The following KIZ variants were observed in gnomAD, a reference collection of about 807,000 sequenced individuals.
KIZ encodes kizuna centrosomal protein.
A neutral mutation model predicts 79.6 loss-of-function variants in KIZ; 68 were observed. That is an observed-to-expected ratio of 0.85 (90% CI 0.70 to 1.05). The LOEUF is 1.05. KIZ is among the 50% of genes least tolerant of loss of function. The pLI is 0.00. For synonymous variants in KIZ, 280 were observed against 281.8 expected (o/e 0.99, Z 0.06); for missense variants, 797 against 800.4 (o/e 1.00, Z 0.05).
At chr20:21,130,659 A>G (rs1264944202) in intron 1 of KIZ, among the ~76,000 whole-genome samples, 1 of 151,664 alleles carries the variant, frequency 6.6e-6, no homozygotes, top group Non-Finnish European at 1.5e-5. Context: ...TAACATAGGC[A>G]TACTGCAACC....
chr20:21,207,549 TCTC>T (rs1353562798), intron 7 of KIZ, among the ~76,000 whole-genome samples: 1 of 144,132 alleles, frequency 6.9e-6, no homozygotes, highest in Non-Finnish European at 1.5e-5. Flanking sequence ...TTTTCCCTCT[TCTC>T]CTCAAACTTC....
At chr20:21,145,995 C>G (rs1262207186) in intron 4 of KIZ, among the ~76,000 whole-genome samples, 1 of 152,046 alleles carries the variant, frequency 6.6e-6, no homozygotes, top group Non-Finnish European at 1.5e-5. Context: ...CATTTTGATT[C>G]TTTTATTTGT....
At chr20:21,224,371 A>C (rs2036596583) in intron 9 of KIZ, among the ~76,000 whole-genome samples, 1 of 152,242 alleles carries the variant, frequency 6.6e-6, no homozygotes, top group African/African-American at 2.4e-5. Context: ...AATATATCTC[A>C]CAATTTTTAT....
chr20:21,181,841 G>T (rs937509011), intron 6 of KIZ, among the ~76,000 whole-genome samples: 1 of 152,206 alleles, frequency 6.6e-6, no homozygotes, highest in African/African-American at 2.4e-5. Context: ...GCTGTTGGTT[G>T]CCAATAACAG....
intron 6 of KIZ, among the ~76,000 whole-genome samples, chr20:21,189,831 G>A (rs958372797): frequency 2.6e-5 from 4 of 152,124 alleles, no homozygotes; most frequent in South Asian, 2.1e-4. Flanking sequence ...TGCCGTGGTC[G>A]CCTCGCTGTG....
intron 6 of KIZ, among the ~76,000 whole-genome samples, chr20:21,168,446 T>G (rs1264580287): frequency 1.3e-5 from 2 of 152,164 alleles, no homozygotes; most frequent in Admixed American, 1.3e-4. Flanking sequence ...TACAAACAAA[T>G]GGAAGAACAT....
chr20:21,135,843 A>G (rs1214836574), intron 2 of KIZ, among the ~76,000 whole-genome samples: 2 of 152,208 alleles, frequency 1.3e-5, no homozygotes, highest in East Asian at 3.8e-4. Context: ...ATTATAGTCC[A>G]TATATTATAA....
chr20:21,227,502 T>A (rs996873205), intron 9 of KIZ, among the ~76,000 whole-genome samples: 4 of 152,202 alleles, frequency 2.6e-5, no homozygotes, highest in African/African-American at 9.7e-5. Flanking sequence ...TCTTGAGAGC[T>A]GAAAAACTTT....
At chr20:21,200,741 A>G (rs2035563377) in intron 6 of KIZ, among the ~76,000 whole-genome samples, 1 of 152,146 alleles carries the variant, frequency 6.6e-6, no homozygotes, top group Non-Finnish European at 1.5e-5. Flanking sequence ...ACGTATCAGT[A>G]CCAGTCCTTG....
At chr20:21,147,720 G>A (rs1329657761) in intron 4 of KIZ, among the ~76,000 whole-genome samples, 3 of 152,206 alleles carry the variant, frequency 2.0e-5, no homozygotes, top group Non-Finnish European at 2.9e-5. Context: ...CTAAGGCACA[G>A]AATAGTGTGT....
At chr20:21,224,330 G>A (rs2036595520) in intron 9 of KIZ, among the ~76,000 whole-genome samples, 1 of 152,180 alleles carries the variant, frequency 6.6e-6, no homozygotes, top group Non-Finnish European at 1.5e-5. Flanking sequence ...GATTCTCAGT[G>A]ATAATATTTA....
chr20:21,145,205 C>T (rs2032784603), intron 3 of KIZ, among the ~76,000 whole-genome samples: 1 of 151,424 alleles, frequency 6.6e-6, no homozygotes, highest in Non-Finnish European at 1.5e-5. Flanking sequence ...AAAGGAAACA[C>T]TGTCTAATGT....
At chr20:21,231,203 C>T (rs1381294219) in intron 10 of KIZ, among the ~76,000 whole-genome samples, 6 of 151,988 alleles carry the variant, frequency 3.9e-5, no homozygotes, top group South Asian at 2.1e-4. Flanking sequence ...TGGTGACAGG[C>T]GCCTCAGCTA....
intron 2 of KIZ, among the ~76,000 whole-genome samples, chr20:21,133,960 G>C (rs533168366): frequency 6.6e-6 from 1 of 152,336 alleles, no homozygotes; most frequent in Non-Finnish European, 1.5e-5. Context: ...GCAGCCCCAG[G>C]TGGAGTTAAC....
chr20:21,179,619 C>G (rs1333615073), intron 6 of KIZ, among the ~76,000 whole-genome samples: 1 of 151,300 alleles, frequency 6.6e-6, no homozygotes, highest in Non-Finnish European at 1.5e-5. Flanking sequence ...TAACTTTGTG[C>G]TTGGTTTGTT....
intron 6 of KIZ, among the ~76,000 whole-genome samples, chr20:21,188,814 C>T (rs2034998232): frequency 6.6e-6 from 1 of 151,878 alleles, no homozygotes; most frequent in Admixed American, 6.6e-5. Flanking sequence ...ATTCTCCTGC[C>T]TCAGCCTCCC....
At chr20:21,201,232 C>T (rs989373520) in intron 6 of KIZ, among the ~76,000 whole-genome samples, 1 of 151,954 alleles carries the variant, frequency 6.6e-6, no homozygotes, top group African/African-American at 2.4e-5. Flanking sequence ...ATGTGGAAGA[C>T]CAAGCTATTG....
intron 6 of KIZ, among the ~76,000 whole-genome samples, chr20:21,202,597 A>G (rs142748752): frequency 7.9e-5 from 12 of 152,290 alleles, no homozygotes; most frequent in African/African-American, 2.9e-4. Context: ...AACAATTAAG[A>G]TTTATTGAGG....
At chr20:21,239,144 G>A (rs1318411337) in intron 11 of KIZ, among the ~76,000 whole-genome samples, 1 of 152,230 alleles carries the variant, frequency 6.6e-6, no homozygotes, top group African/African-American at 2.4e-5. Flanking sequence ...TTCCAGGAAG[G>A]CATTACTGTC....
Sources: allele counts gnomAD v4.1 joint callset (sites outside exome capture counted in the v4.1 genomes callset), GRCh38; gene constraint gnomAD v4.1.1; transcripts MANE v1.5; gene names NCBI Gene and HGNC (gene_info 2026-07-23, HGNC 2026-07-21).